The following NKAIN2 variants were observed in gnomAD, a reference collection of about 807,000 sequenced individuals.
NKAIN2 encodes the protein sodium/potassium-transporting ATPase subunit beta-1-interacting protein 2.
In NKAIN2, 14 loss-of-function variants were observed where a neutral mutation model predicts 32.6. That is an observed-to-expected ratio of 0.43 (90% CI 0.28 to 0.67). The LOEUF is 0.67. Ranked by LOEUF, NKAIN2 falls within the 30% of genes least tolerant of loss-of-function variation. NKAIN2 has a pLI of 0.17. For missense variants in NKAIN2, 198 were observed against 258.3 expected, an observed-to-expected ratio of 0.77 and a Z score of 1.60; for synonymous variants, 80 against 87.2, an observed-to-expected ratio of 0.92 and a Z score of 0.46.
At chr6:123,812,767 T>G (rs1773530317) in intron 1 of NKAIN2, among the ~76,000 whole-genome samples, 1 of 152,208 alleles carries the variant, frequency 6.6e-6, no homozygotes, top group Admixed American at 6.5e-5. Context: ...ATACTGACTT[T>G]TGTTTTTTAA....
intron 1 of NKAIN2, among the ~76,000 whole-genome samples, chr6:123,898,551 GTT>G (rs11348160): frequency 0.015 from 1,961 of 131,756 alleles, 38 homozygotes; most frequent in African/African-American, 0.045. Flanking sequence ...CTCCAGGGGT[GTT>G]TTTTTTTTTT....
At chr6:123,943,366 G>A (rs1420284046) in intron 1 of NKAIN2, among the ~76,000 whole-genome samples, 3 of 151,950 alleles carry the variant, frequency 2.0e-5, no homozygotes, top group African/African-American at 7.2e-5. Flanking sequence ...ACATTTTCTT[G>A]TGACTTGTGT....
rs1245362245 is a variant in NKAIN2, at chr6:124,536,123, C to A, written c.274-122063C>A. On this transcript the variant is annotated intron_variant, in intron 3 of 6. Coordinates refer to ENST00000368417, the MANE Select transcript of NKAIN2 (RefSeq NM_001040214.3). ...TGAACTAGAAATCGCTCAAAAAATT[C>A]AAACGCCCAAGTAATGACTATTGAA... Among the ~76,000 whole-genome samples, 4 of 152,158 alleles carry A rather than the reference C, an allele frequency of 2.6e-5. No individual in the cohort carries two copies. In the South Asian group the frequency reaches 8.3e-4, roughly 32 times the overall value.
intron 1 of NKAIN2, among the ~76,000 whole-genome samples, chr6:124,166,456 A>G (rs1208060564): frequency 2.0e-5 from 3 of 150,444 alleles, no homozygotes; most frequent in Middle Eastern, 3.5e-3. Flanking sequence ...ATTTTCTCCA[A>G]TTTTGTAGGT....
intron 3 of NKAIN2, among the ~76,000 whole-genome samples, chr6:124,363,717 A>C (rs533130824): frequency 6.6e-6 from 1 of 152,308 alleles, no homozygotes; most frequent in South Asian, 2.1e-4. Flanking sequence ...TCAACTCAGC[A>C]CAATTCTTGA....
intron 1 of NKAIN2, among the ~76,000 whole-genome samples, chr6:124,179,714 T>C (rs1172049333): frequency 6.6e-6 from 1 of 152,128 alleles, no homozygotes; most frequent in African/African-American, 2.4e-5. Context: ...CAGAATTACT[T>C]TCTGAGGGGA....
intron 3 of NKAIN2, among the ~76,000 whole-genome samples, chr6:124,375,424 T>A (rs1232140424): frequency 6.8e-6 from 1 of 147,712 alleles, no homozygotes; most frequent in Non-Finnish European, 1.5e-5. Flanking sequence ...GTATATAAAT[T>A]ACATATATAT....
intron 3 of NKAIN2, among the ~76,000 whole-genome samples, chr6:124,654,738 C>T (rs1042893760): frequency 1.2e-4 from 18 of 152,046 alleles, no homozygotes; most frequent in African/African-American, 3.1e-4. Flanking sequence ...GCTTGGCACC[C>T]GGGGAAGTTG....
chr6:124,086,939 C>G (rs1784213847), intron 1 of NKAIN2, among the ~76,000 whole-genome samples: 2 of 151,850 alleles, frequency 1.3e-5, no homozygotes, highest in South Asian at 4.1e-4. Context: ...ACAGCATTAT[C>G]TTAAAACCAA....
At chr6:124,608,770 C>T in intron 3 of NKAIN2, among the ~76,000 whole-genome samples, 1 of 152,176 alleles carries the variant, frequency 6.6e-6, no homozygotes, top group Middle Eastern at 3.2e-3. Context: ...CAATTTTCGA[C>T]CTCACTCGGG....
At chr6:124,778,383 C>A (rs1298860693) in intron 4 of NKAIN2, among the ~76,000 whole-genome samples, 1 of 151,254 alleles carries the variant, frequency 6.6e-6, no homozygotes, top group East Asian at 1.9e-4. Context: ...GCATAGGGGA[C>A]AATTCTCAGC....
At chr6:124,135,335 G>A (rs115359009) in intron 1 of NKAIN2, among the ~76,000 whole-genome samples, 2,646 of 151,806 alleles carry the variant, frequency 0.017, 66 homozygotes, top group African/African-American at 0.051. Context: ...CAGAACGGCA[G>A]ATGGAAAAAA....
At chr6:124,791,423 T>C (rs759169166) in intron 5 of NKAIN2, 24 bp downstream of exon 5, 10 of 1,539,838 alleles carry the variant, frequency 6.5e-6, no homozygotes, top group Admixed American at 3.4e-5. Context: ...CTCTATTCTG[T>C]TTCTTTCAAG....
At chr6:124,646,228 A>G (rs1458609732) in intron 3 of NKAIN2, among the ~76,000 whole-genome samples, 2 of 152,192 alleles carry the variant, frequency 1.3e-5, no homozygotes, top group Non-Finnish European at 2.9e-5. Context: ...TAGCCAAGAC[A>G]CAATTAAAAT....
At chr6:124,119,651 A>C (rs2114986266) in intron 1 of NKAIN2, among the ~76,000 whole-genome samples, 2 of 152,354 alleles carry the variant, frequency 1.3e-5, no homozygotes, top group Middle Eastern at 6.8e-3. Flanking sequence ...AATGAGAAAA[A>C]AAATGGTAAC....
At chr6:124,050,329 A>G (rs1782345009) in intron 1 of NKAIN2, among the ~76,000 whole-genome samples, 1 of 152,138 alleles carries the variant, frequency 6.6e-6, no homozygotes, top group Admixed American at 6.6e-5. Flanking sequence ...GACTGGTCAA[A>G]GCGTTGGAGG....
At chr6:124,550,995 T>TG (rs1780266416) in intron 3 of NKAIN2, among the ~76,000 whole-genome samples, 1 of 152,196 alleles carries the variant, frequency 6.6e-6, no homozygotes, top group South Asian at 2.1e-4. Flanking sequence ...CAAGGCTTTA[T>TG]GGATTGGCAT....
intron 3 of NKAIN2, among the ~76,000 whole-genome samples, chr6:124,410,498 G>C (rs1358173605): frequency 6.6e-6 from 1 of 152,162 alleles, no homozygotes; most frequent in African/African-American, 2.4e-5. Context: ...CCATGTAGTT[G>C]AGCGGTTTTG....
At chr6:124,172,573 G>A (rs538613523) in intron 1 of NKAIN2, among the ~76,000 whole-genome samples, 3 of 152,144 alleles carry the variant, frequency 2.0e-5, no homozygotes, top group African/African-American at 7.2e-5. Flanking sequence ...TATCATTCTT[G>A]TGGAAGGAAG....
Sources: gnomAD v4.1 joint callset for allele counts (sites outside exome capture counted in the v4.1 genomes callset) on GRCh38, gnomAD v4.1.1 for gene constraint, MANE v1.5 for transcripts, NCBI Gene and HGNC (gene_info 2026-07-23, HGNC 2026-07-21) for gene names.